The following DLG2 variants were observed in gnomAD, a reference collection of about 807,000 sequenced individuals.
DLG2 encodes disks large homolog 2.
In DLG2, 45 loss-of-function variants were observed where a neutral mutation model predicts 132.5. The observed-to-expected ratio is 0.34, with a 90% CI of 0.27 to 0.44. The LOEUF is 0.44. Ranked by LOEUF, DLG2 falls within the 20% of genes least tolerant of loss-of-function variation. The pLI, the probability that DLG2 is intolerant of heterozygous loss-of-function variation, is 1.00. For synonymous variants in DLG2, 424 were observed against 419.6 expected (o/e 1.01, Z -0.13); for missense variants, 1,045 against 1,196.9 (o/e 0.87, Z 1.87).
intron 3 of DLG2, among the ~76,000 whole-genome samples, chr11:85,393,629 A>G (rs915680830): frequency 5.2e-4 from 75 of 143,818 alleles, no homozygotes; most frequent in East Asian, 1.0e-3. Flanking sequence ...TGGTATGCAT[A>G]TGTGTGTGTG....
chr11:84,146,136 T>C (rs181380284), intron 9 of DLG2, among the ~76,000 whole-genome samples: 91 of 152,308 alleles, frequency 6.0e-4, no homozygotes, highest in African/African-American at 2.0e-3. Flanking sequence ...AAAATTGCTC[T>C]TTCATTCTTG....
chr11:84,848,033 G>A (rs562914739), intron 6 of DLG2, among the ~76,000 whole-genome samples: 59 of 152,218 alleles, frequency 3.9e-4, no homozygotes, highest in African/African-American at 1.3e-3. Flanking sequence ...ATTTTTTATG[G>A]AAAAGTGAAA....
intron 16 of DLG2, 56 bp from the exon 17 acceptor site, chr11:83,833,826 T>A: frequency 6.4e-7 from 1 of 1,561,576 alleles, no homozygotes; most frequent in South Asian, 1.2e-5. Flanking sequence ...AGATTTACGT[T>A]GCTTTTACTT....
rs2096173492 is a variant in DLG2 at position 84,043,971 on chromosome 11, C to G, written c.919+15344G>C. 2.6e-5 allele frequency among the ~76,000 whole-genome samples: 4 copies of G among 151,588 alleles called. No individual in the cohort carries two copies. In the South Asian group the frequency reaches 8.3e-4, roughly 31 times the overall value. ...ATGAGCAATTAATTCCCTTCTGCCCCTTGAACTATAGGTTAAACTCTTTGT... is the reference window on the plus strand; with the variant it reads ...ATGAGCAATTAATTCCCTTCTGCCCGTTGAACTATAGGTTAAACTCTTTGT... On this transcript the variant is annotated intron_variant, in intron 11 of 27. Transcript: ENST00000376104.
intron 4 of DLG2, among the ~76,000 whole-genome samples, chr11:85,159,758 T>C (rs1338817631): frequency 6.6e-6 from 1 of 152,218 alleles, no homozygotes; most frequent in Non-Finnish European, 1.5e-5. Flanking sequence ...AGAAACAATT[T>C]GCCTTCAGCC....
chr11:84,567,723 T>C (rs1221096261), intron 6 of DLG2, among the ~76,000 whole-genome samples: 6 of 152,180 alleles, frequency 3.9e-5, no homozygotes, highest in Non-Finnish European at 7.3e-5. Flanking sequence ...GGTCAATAAT[T>C]ATGTCAGAAA....
intron 6 of DLG2, among the ~76,000 whole-genome samples, chr11:85,095,550 GA>G: frequency 6.7e-6 from 1 of 149,922 alleles, no homozygotes; most frequent in East Asian, 2.0e-4. Flanking sequence ...TTTTCACTCT[GA>G]AAAAAAAATA....
intron 7 of DLG2, among the ~76,000 whole-genome samples, chr11:84,341,537 T>C (rs1192267849): frequency 6.6e-6 from 1 of 152,204 alleles, no homozygotes; most frequent in Admixed American, 6.5e-5. Flanking sequence ...TATGATTTAA[T>C]TATTCTAGAG....
Position 84,144,437 on chromosome 11 carries a change from A to G in DLG2, c.624+19024T>C, listed in dbSNP as rs576090956. Reference sequence around the variant, plus strand: ...CTTCTGCCTCAAAGTTCTAAGTAAGAATCATGGAATTTGCTCTGATTTTAC... The same window carrying G: ...CTTCTGCCTCAAAGTTCTAAGTAAGGATCATGGAATTTGCTCTGATTTTAC... On this transcript the variant is annotated intron_variant, in intron 9 of 27. Transcript: ENST00000376104. Among the ~76,000 whole-genome samples, 221 of 152,264 alleles carry G rather than the reference A, an allele frequency of 1.5e-3. 2 individuals are homozygous for G. Among genetic ancestry groups the G allele is most frequent in the African/African-American group, 5.2e-3 (215 of 41,572 alleles).
intron 6 of DLG2, among the ~76,000 whole-genome samples, chr11:84,884,872 C>A (rs1204112416): frequency 6.6e-6 from 1 of 152,022 alleles, no homozygotes; most frequent in African/African-American, 2.4e-5. Flanking sequence ...GAGTAACATG[C>A]TGAAATCATG....
rs78648314 is a variant in DLG2 at position 85,378,315 on chromosome 11, A to T, written c.41-92950T>A. Among the ~76,000 whole-genome samples, 928 of 152,276 alleles carry T rather than the reference A, an allele frequency of 6.1e-3. 5 individuals carry two copies. The highest frequency in any genetic ancestry group is 0.01 in the Non-Finnish European group (694 of 67,992). On this transcript the variant is annotated intron_variant, in intron 3 of 27. Coordinates refer to ENST00000376104, the MANE Select transcript of DLG2 (RefSeq NM_001142699.3). ...TCATGAAATGAAGTCTCATAATGGTAAGAGCATCAGCTTTGAGGTCAGATT... is the reference window on the plus strand; with the variant it reads ...TCATGAAATGAAGTCTCATAATGGTTAGAGCATCAGCTTTGAGGTCAGATT...
chr11:85,097,886 T>C (rs145274122), intron 6 of DLG2, among the ~76,000 whole-genome samples: 94 of 152,338 alleles, frequency 6.2e-4, no homozygotes, highest in African/African-American at 2.2e-3. Flanking sequence ...GTCCTTACTC[T>C]GCATGCAATA....
At chr11:84,741,597 A>G (rs2064683846) in intron 6 of DLG2, among the ~76,000 whole-genome samples, 1 of 152,002 alleles carries the variant, frequency 6.6e-6, no homozygotes, top group African/African-American at 2.4e-5. Flanking sequence ...ATAAAGACTA[A>G]ACTATGGCAC....
At position 84,934,515 on chromosome 11, in the gene DLG2, G is replaced by GTT. The variant is rs2048482997; in HGVS notation, c.357+177144_357+177145dup. On this transcript the variant is annotated intron_variant, in intron 6 of 27. Coordinates refer to ENST00000376104, the MANE Select transcript of DLG2 (RefSeq NM_001142699.3). The stretch of plus-strand genomic sequence containing the variant: ...GTATGGTCCTGGGTGTTTTTTTTTT[G>GTT]TTTTGTTTTGTTTTTTTTTTTTTTT... 2.2e-4 allele frequency among the ~76,000 whole-genome samples: 9 copies of GTT among 40,508 alleles called. 1 individual carries two copies. The highest frequency in any genetic ancestry group is 8.3e-4 in the African/African-American group (8 of 9,668). The allele number at this position is 40,508 out of a possible 152,430, so 26.6% of individuals were successfully genotyped here.
intron 14 of DLG2, among the ~76,000 whole-genome samples, chr11:83,934,906 AT>A (rs143861519): frequency 0.025 from 3,815 of 152,302 alleles, 158 homozygotes; most frequent in African/African-American, 0.087. Context: ...AGTACCTTTT[AT>A]TCTCTTTTCC....
chr11:85,317,421 T>C (rs2080761388), intron 3 of DLG2, among the ~76,000 whole-genome samples: 1 of 151,774 alleles, frequency 6.6e-6, no homozygotes, highest in South Asian at 2.1e-4. Flanking sequence ...AAAACATTAA[T>C]TTGCCCAGTA....
intron 6 of DLG2, among the ~76,000 whole-genome samples, chr11:84,801,591 C>T (rs1405509350): frequency 1.3e-5 from 2 of 152,114 alleles, no homozygotes; most frequent in African/African-American, 2.4e-5. Context: ...GAAAAAGTTG[C>T]TTTTGTCGCT....
At chr11:84,100,639 T>A (rs1267790679) in intron 9 of DLG2, among the ~76,000 whole-genome samples, 4 of 152,030 alleles carry the variant, frequency 2.6e-5, no homozygotes, top group Non-Finnish European at 5.9e-5. Flanking sequence ...TCTCTACATA[T>A]TCTTACAAAA....
chr11:85,100,890 G>A (rs913240166), intron 6 of DLG2, among the ~76,000 whole-genome samples: 1 of 152,158 alleles, frequency 6.6e-6, no homozygotes, highest in Non-Finnish European at 1.5e-5. Context: ...AAGGTTATTG[G>A]AGCATTATAT....
Sources: allele counts gnomAD v4.1 joint callset (sites outside exome capture counted in the v4.1 genomes callset), GRCh38; gene constraint gnomAD v4.1.1; transcripts MANE v1.5; gene names NCBI Gene and HGNC (gene_info 2026-07-23, HGNC 2026-07-21).